Variants in HS6ST3 observed in about 807,000 individuals in gnomAD.
HS6ST3 encodes heparan sulfate 6-O-sulfotransferase 3, also known as heparan-sulfate 6-O-sulfotransferase 3.
A neutral mutation model predicts 36.7 loss-of-function variants in HS6ST3; 12 were observed. The observed-to-expected ratio is 0.33, with a 90% CI of 0.21 to 0.53. The LOEUF (loss-of-function observed/expected upper bound fraction) is 0.53. Ranked by LOEUF, HS6ST3 falls within the 20% of genes least tolerant of loss-of-function variation. HS6ST3 has a pLI of 0.95. For synonymous variants in HS6ST3, 240 were observed against 257.5 expected (o/e 0.93, Z 0.65); for missense variants, 584 against 640.9 (o/e 0.91, Z 0.96).
chr13:96,639,959 C>T (rs1221009292), intron 1 of HS6ST3, among the ~76,000 whole-genome samples: 1 of 151,836 alleles, frequency 6.6e-6, no homozygotes, highest in African/African-American at 2.4e-5. Flanking sequence ...TTATCCAGCC[C>T]ACTGTTGATT....
intron 1 of HS6ST3, among the ~76,000 whole-genome samples, chr13:96,116,373 A>T (rs906113794): frequency 6.6e-6 from 1 of 152,124 alleles, no homozygotes; most frequent in Non-Finnish European, 1.5e-5. Flanking sequence ...CCCTGACCCA[A>T]CTGTGGGGTG....
At chr13:96,608,319 A>G (rs746325957) in intron 1 of HS6ST3, among the ~76,000 whole-genome samples, 1 of 152,226 alleles carries the variant, frequency 6.6e-6, no homozygotes, top group Non-Finnish European at 1.5e-5. Context: ...GAATGATAGA[A>G]TGTTGCCATT....
At chr13:96,799,992 A>ATGTGTG (rs1555325258) in intron 1 of HS6ST3, among the ~76,000 whole-genome samples, 3 of 122,760 alleles carry the variant, frequency 2.4e-5, no homozygotes, top group African/African-American at 1.2e-4. Flanking sequence ...GTATATATAT[A>ATGTGTG]TATATGTATA....
intron 1 of HS6ST3, among the ~76,000 whole-genome samples, chr13:96,514,188 A>T (rs1031576613): frequency 3.9e-5 from 6 of 152,140 alleles, no homozygotes; most frequent in Non-Finnish European, 8.8e-5. Flanking sequence ...AGTAGGAATC[A>T]ATTGTCATAA....
intron 1 of HS6ST3, among the ~76,000 whole-genome samples, chr13:96,471,903 G>A (rs1042351562): frequency 6.6e-6 from 1 of 152,146 alleles, no homozygotes; most frequent in Admixed American, 6.5e-5. Context: ...GGGTATGTAG[G>A]AGCTGAGGTT....
intron 1 of HS6ST3, among the ~76,000 whole-genome samples, chr13:96,200,813 C>G (rs887838888): frequency 1.3e-5 from 2 of 152,154 alleles, no homozygotes; most frequent in African/African-American, 4.8e-5. Context: ...TCAAATTCCT[C>G]TCACTTTAGC....
intron 1 of HS6ST3, among the ~76,000 whole-genome samples, chr13:96,265,903 A>G (rs2054689792): frequency 6.6e-6 from 1 of 152,194 alleles, no homozygotes. Flanking sequence ...TCTGTGAGGA[A>G]TATTGGGTAG....
intron 1 of HS6ST3, among the ~76,000 whole-genome samples, chr13:96,514,883 TTGTC>T (rs558557218): frequency 7.5e-4 from 114 of 152,308 alleles, no homozygotes; most frequent in Non-Finnish European, 1.2e-3. Flanking sequence ...ATGCAAGTGA[TTGTC>T]TGGTAGCAAG....
intron 1 of HS6ST3, among the ~76,000 whole-genome samples, chr13:96,489,666 TA>T (rs1738635294): frequency 6.6e-6 from 1 of 152,080 alleles, no homozygotes; most frequent in South Asian, 2.1e-4. Context: ...ATATGGATCA[TA>T]ATAAGAGCTA....
In HS6ST3 at chr13:96,167,600, C is replaced by T. The variant is rs189141922; in HGVS notation, c.707+76031C>T. Among the ~76,000 whole-genome samples, 11 of 152,264 alleles carry T rather than the reference C, an allele frequency of 7.2e-5. No homozygotes were observed. In the East Asian group the frequency reaches 1.2e-3, roughly 16 times the overall value. Reference sequence around the variant, plus strand: ...CAGGCCACTGGGTCATTTACTAAGCCGTGGTGCTTTGCAAATATGAAGCAT... The same window carrying T: ...CAGGCCACTGGGTCATTTACTAAGCTGTGGTGCTTTGCAAATATGAAGCAT... On this transcript the variant is annotated intron_variant, in intron 1 of 1. Coordinates refer to ENST00000376705, the MANE Select transcript of HS6ST3 (RefSeq NM_153456.4).
chr13:96,345,147 A>G (rs2055147382), intron 1 of HS6ST3, among the ~76,000 whole-genome samples: 1 of 152,136 alleles, frequency 6.6e-6, no homozygotes, highest in South Asian at 2.1e-4. Context: ...TGTTTTAGAG[A>G]TACATTTGCA....
chr13:96,518,854 T>C (rs2056082716), intron 1 of HS6ST3, among the ~76,000 whole-genome samples: 1 of 152,230 alleles, frequency 6.6e-6, no homozygotes, highest in South Asian at 2.1e-4. Context: ...CAAAGTCATT[T>C]TGTAGTTTCT....
intron 1 of HS6ST3, among the ~76,000 whole-genome samples, chr13:96,137,585 CA>C (rs897987049): frequency 9.9e-5 from 15 of 152,036 alleles, no homozygotes; most frequent in African/African-American, 3.6e-4. Context: ...AGGCATGTGC[CA>C]CCACACCTGG....
intron 1 of HS6ST3, among the ~76,000 whole-genome samples, chr13:96,722,681 A>G (rs1239766229): frequency 6.6e-6 from 1 of 152,156 alleles, no homozygotes; most frequent in Non-Finnish European, 1.5e-5. Flanking sequence ...TGTGAATGTT[A>G]AAATATATAT....
intron 1 of HS6ST3, among the ~76,000 whole-genome samples, chr13:96,558,761 T>C (rs929306341): frequency 6.6e-6 from 1 of 152,234 alleles, no homozygotes; most frequent in Non-Finnish European, 1.5e-5. Context: ...TGTGAGCTTT[T>C]TAAAATAGTA....
chr13:96,754,306 A>AAGAT (rs1876771960), intron 1 of HS6ST3, among the ~76,000 whole-genome samples: 1 of 152,178 alleles, frequency 6.6e-6, no homozygotes, highest in Non-Finnish European at 1.5e-5. Flanking sequence ...ATTGTATTTA[A>AAGAT]AGATATCTTC....
intron 1 of HS6ST3, among the ~76,000 whole-genome samples, chr13:96,725,004 A>T (rs1003267381): frequency 5.3e-5 from 8 of 152,326 alleles, no homozygotes; most frequent in Middle Eastern, 3.4e-3. Context: ...TGAGAGTTCC[A>T]TTGCAGAGTA....
At chr13:96,459,997 A>T (rs1017952978) in intron 1 of HS6ST3, among the ~76,000 whole-genome samples, 1 of 152,170 alleles carries the variant, frequency 6.6e-6, no homozygotes, top group Non-Finnish European at 1.5e-5. Flanking sequence ...TTAATGGGCA[A>T]ATTGGTTTAC....
chr13:96,504,670 T>C (rs1024716024), intron 1 of HS6ST3, among the ~76,000 whole-genome samples: 3 of 152,198 alleles, frequency 2.0e-5, no homozygotes, highest in African/African-American at 7.2e-5. Flanking sequence ...ATCCTTGCTC[T>C]CTGATGCTTT....
Sources: gnomAD v4.1 joint callset for allele counts (sites outside exome capture counted in the v4.1 genomes callset) on GRCh38, gnomAD v4.1.1 for gene constraint, MANE v1.5 for transcripts, NCBI Gene and HGNC (gene_info 2026-07-23, HGNC 2026-07-21) for gene names.